Variants in ATP9B observed in about 807,000 individuals in gnomAD.
The protein encoded by ATP9B is ATPase phospholipid transporting 9B, also known as probable phospholipid-transporting ATPase IIB.
In ATP9B, 110 loss-of-function variants were observed where a neutral mutation model predicts 146.1. That is an observed-to-expected ratio of 0.75 (90% confidence interval 0.65 to 0.88). ATP9B has a LOEUF of 0.88. ATP9B is among the 40% of genes least tolerant of loss of function. The pLI, the probability that ATP9B is intolerant of heterozygous loss-of-function variation, is 0.00. For missense variants in ATP9B, 1,499 were observed against 1,496.4 expected (o/e 1.00, Z -0.03); for synonymous variants, 604 against 569.7 (o/e 1.06, Z -0.86).
At chr18:79,228,625 ATAAT>A (rs2095758770) in intron 11 of ATP9B, among the ~76,000 whole-genome samples, 1 of 152,246 alleles carries the variant, frequency 6.6e-6, no homozygotes, top group African/African-American at 2.4e-5. Context: ...CACGTAGTAA[ATAAT>A]AAATAATGAT....
At chr18:79,140,314 T>C (rs2147369567) in intron 5 of ATP9B, among the ~76,000 whole-genome samples, 1 of 152,334 alleles carries the variant, frequency 6.6e-6, no homozygotes, top group Middle Eastern at 3.4e-3. Context: ...TCTAAATAAT[T>C]ATCATCGAAT....
At chr18:79,157,711 G>T (rs2094816207) in intron 7 of ATP9B, among the ~76,000 whole-genome samples, 1 of 152,092 alleles carries the variant, frequency 6.6e-6, no homozygotes, top group African/African-American at 2.4e-5. Context: ...GTCAGTTTTG[G>T]TAGTTTGTGT....
intron 7 of ATP9B, among the ~76,000 whole-genome samples, chr18:79,155,586 A>G (rs1184217687): frequency 1.3e-5 from 2 of 152,086 alleles, no homozygotes; most frequent in East Asian, 3.9e-4. Context: ...ATAGGAAGCT[A>G]AGCATGTTAT....
At chr18:79,344,417 G>A in intron 21 of ATP9B, 63 bp downstream of exon 21, 1 of 1,463,790 alleles carries the variant, frequency 6.8e-7, no homozygotes. Flanking sequence ...CTGGTCCCTG[G>A]CTGAGTGTCT....
At chr18:79,238,078 G>A (rs2095858289) in intron 11 of ATP9B, among the ~76,000 whole-genome samples, 1 of 151,970 alleles carries the variant, frequency 6.6e-6, no homozygotes, top group Non-Finnish European at 1.5e-5. Context: ...AAAAAATTTT[G>A]GTGATGTATT....
intron 11 of ATP9B, among the ~76,000 whole-genome samples, chr18:79,234,975 C>T (rs936586754): frequency 1.3e-5 from 2 of 152,158 alleles, no homozygotes; most frequent in Admixed American, 1.3e-4. Flanking sequence ...TGGGTTCAAG[C>T]AATTCTCCTG....
chr18:79,137,228 G>A (rs182847940), intron 5 of ATP9B, among the ~76,000 whole-genome samples: 183 of 152,234 alleles, frequency 1.2e-3, no homozygotes, highest in Non-Finnish European at 1.2e-3. Context: ...TCATGTCCGT[G>A]TCTGCTAATT....
chr18:79,326,568 C>T (rs113937062), intron 15 of ATP9B, among the ~76,000 whole-genome samples: 4,126 of 151,806 alleles, frequency 0.027, 70 homozygotes, highest in Non-Finnish European at 0.042. Flanking sequence ...TGTTAAGTGT[C>T]ATCTCTGTAC....
intron 11 of ATP9B, among the ~76,000 whole-genome samples, chr18:79,227,273 C>CA (rs1278031714): frequency 3.3e-5 from 5 of 151,902 alleles, no homozygotes; most frequent in African/African-American, 1.2e-4. Context: ...TTCCTTTTAG[C>CA]AAAAAATGCT....
chr18:79,172,170 C>T (rs1485297104), intron 7 of ATP9B, among the ~76,000 whole-genome samples: 3 of 149,622 alleles, frequency 2.0e-5, no homozygotes, highest in African/African-American at 5.1e-5. Context: ...GCCTTGGCCT[C>T]CCAAGGTGCT....
At position 79,345,851 on chromosome 18, in the gene ATP9B, C is replaced by A; in HGVS notation, c.2682+12C>A. On this transcript the variant is annotated intron_variant, in intron 23 of 29. Transcript: ENST00000426216. ...GGATTGAGGGAAAGGTAGGTTCGCC[C>A]TTTTATCAACACATTAGCACACAGT... The A allele has an allele frequency of 6.2e-7, 1 of 1,614,016 alleles. No homozygotes were observed. The highest frequency in any genetic ancestry group is 8.5e-7 in the Non-Finnish European group (1 of 1,179,978).
intron 4 of ATP9B, among the ~76,000 whole-genome samples, chr18:79,114,149 G>C (rs889346598): frequency 6.6e-6 from 1 of 151,962 alleles, no homozygotes; most frequent in Non-Finnish European, 1.5e-5. Context: ...TAGTAGAGAC[G>C]GCGTTTCACC....
intron 3 of ATP9B, among the ~76,000 whole-genome samples, chr18:79,112,346 G>A (rs1013313752): frequency 1.3e-5 from 2 of 152,232 alleles, no homozygotes; most frequent in Admixed American, 1.3e-4. Flanking sequence ...GTTCCATTTT[G>A]ATTTTCAATG....
intron 5 of ATP9B, among the ~76,000 whole-genome samples, chr18:79,140,982 A>G (rs1323761623): frequency 6.6e-6 from 1 of 152,192 alleles, no homozygotes; most frequent in African/African-American, 2.4e-5. Flanking sequence ...GGAAATATTT[A>G]ATTGAAATAG....
chr18:79,186,024 A>G (rs2095305334), intron 8 of ATP9B, among the ~76,000 whole-genome samples: 1 of 152,192 alleles, frequency 6.6e-6, no homozygotes, highest in Non-Finnish European at 1.5e-5. Flanking sequence ...TTGTGGCTTC[A>G]TAGCTGTCTG....
chr18:79,244,020 T>C (rs1216410155), intron 11 of ATP9B, among the ~76,000 whole-genome samples: 6 of 152,222 alleles, frequency 3.9e-5, no homozygotes, highest in Admixed American at 3.3e-4. Flanking sequence ...AGTTGGAAAT[T>C]AAAGTTTTAA....
At chr18:79,342,427 ATTG>A in intron 20 of ATP9B, 61 bp downstream of exon 20, 2 of 1,135,512 alleles carry the variant, frequency 1.8e-6, no homozygotes, top group South Asian at 1.4e-5. Context: ...AACGAAGCCT[ATTG>A]TTTTTGTCAG....
chr18:79,342,593 AAAAT>A (rs1007829963), intron 20 of ATP9B, among the ~76,000 whole-genome samples: 5 of 150,128 alleles, frequency 3.3e-5, no homozygotes, highest in African/African-American at 7.5e-5. Context: ...ATAATAATAA[AAAAT>A]AAATAAATAA....
At chr18:79,098,885 T>C (rs532088195) in intron 2 of ATP9B, among the ~76,000 whole-genome samples, 2 of 152,346 alleles carry the variant, frequency 1.3e-5, no homozygotes, top group South Asian at 4.1e-4. Context: ...TTTTGAAGAA[T>C]GAACATCAGT....
Sources: allele counts gnomAD v4.1 joint callset (sites outside exome capture counted in the v4.1 genomes callset), GRCh38; gene constraint gnomAD v4.1.1; transcripts MANE v1.5; gene names NCBI Gene and HGNC (gene_info 2026-07-23, HGNC 2026-07-21).